The following CHN1 variants were observed in gnomAD, a reference collection of about 807,000 sequenced individuals.
The protein encoded by CHN1 is N-chimaerin.
Under a neutral mutation model 59.5 loss-of-function variants are expected in CHN1, and 37 were observed. The ratio of observed to expected loss-of-function variants is 0.62; its 90% CI spans 0.48 to 0.82. CHN1 has a LOEUF of 0.82. Among genes scored for constraint, CHN1 ranks in the 40% least tolerant of loss-of-function variants. The pLI is 0.00. For synonymous variants in CHN1, 206 were observed against 200.4 expected, an observed-to-expected ratio of 1.03 and a Z score of -0.24; for missense variants, 469 against 571.0, an observed-to-expected ratio of 0.82 and a Z score of 1.82.
At position 174,991,134 on chromosome 2, in the gene CHN1, C is replaced by T. The variant is rs141645612; in HGVS notation, c.19+13760G>A. ...TTAGTGACATCTATTCAGCAACCTT[C>T]AAAACACAAGCTAGTTTTTAAGTGG... On this transcript the variant is annotated intron_variant, in intron 1 of 12. Coordinates refer to ENST00000409900, the MANE Select transcript of CHN1 (RefSeq NM_001822.7). Among the ~76,000 whole-genome samples the T allele has an allele frequency of 5.9e-5, 9 of 152,286 alleles. No individual in the cohort carries two copies. The East Asian group carries it at 1.7e-3, about 29-fold the overall frequency.
chr2:174,888,428 A>T (rs1687952913), intron 5 of CHN1, among the ~76,000 whole-genome samples: 1 of 152,214 alleles, frequency 6.6e-6, no homozygotes, highest in African/African-American at 2.4e-5. Context: ...TAGCCTGGGG[A>T]TAACATGAAG....
At chr2:174,848,237 T>C (rs1047897641) in intron 6 of CHN1, among the ~76,000 whole-genome samples, 5 of 152,098 alleles carry the variant, frequency 3.3e-5, no homozygotes, top group African/African-American at 1.2e-4. Context: ...TTCAGAGAGC[T>C]TGAGGCCAGG....
intron 1 of CHN1, among the ~76,000 whole-genome samples, chr2:174,992,644 T>C (rs1036628122): frequency 6.6e-6 from 1 of 152,222 alleles, no homozygotes; most frequent in African/African-American, 2.4e-5. Context: ...TGTGACAAGA[T>C]GCTCTCCTTG....
intron 3 of CHN1, among the ~76,000 whole-genome samples, chr2:174,941,780 G>A (rs544832821): frequency 6.6e-6 from 1 of 152,042 alleles, no homozygotes; most frequent in East Asian, 1.9e-4. Flanking sequence ...CATGTTGCCA[G>A]GCAGGTCTTG....
intron 4 of CHN1, among the ~76,000 whole-genome samples, chr2:174,916,453 A>G (rs1034985613): frequency 6.6e-6 from 1 of 152,208 alleles, no homozygotes; most frequent in African/African-American, 2.4e-5. Flanking sequence ...CTCCCCTACA[A>G]TAACTGCAAT....
chr2:174,829,478 A>G (rs1685796878), intron 7 of CHN1, among the ~76,000 whole-genome samples: 1 of 152,280 alleles, frequency 6.6e-6, no homozygotes, highest in Non-Finnish European at 1.5e-5. Flanking sequence ...TCATGTTTAC[A>G]GCATTCATAT....
At chr2:174,877,786 T>C in intron 6 of CHN1, 54 bp downstream of exon 6, 1 of 1,525,626 alleles carries the variant, frequency 6.6e-7, no homozygotes, top group South Asian at 1.3e-5. Context: ...ATAATGGCTT[T>C]CTTAAAAGAA....
At chr2:174,832,587 T>C (rs1326124457) in intron 7 of CHN1, among the ~76,000 whole-genome samples, 2 of 152,118 alleles carry the variant, frequency 1.3e-5, no homozygotes, top group Non-Finnish European at 2.9e-5. Context: ...TAGCAGTATG[T>C]TATTTAATTT....
intron 5 of CHN1, among the ~76,000 whole-genome samples, chr2:174,889,031 G>A (rs1174584208): frequency 6.6e-6 from 1 of 152,168 alleles, no homozygotes; most frequent in Middle Eastern, 3.2e-3. Context: ...GGGAGAGTGG[G>A]ACAGCTTGCT....
At chr2:174,944,805 A>C (rs1435500129) in intron 3 of CHN1, 83 bp downstream of exon 3, 3 of 923,392 alleles carry the variant, frequency 3.2e-6, no homozygotes, top group African/African-American at 3.3e-5. Flanking sequence ...AATCTCACAA[A>C]CAACCAAGCC....
intron 2 of CHN1, among the ~76,000 whole-genome samples, chr2:174,945,417 C>A (rs1431009733): frequency 2.6e-5 from 4 of 152,112 alleles, no homozygotes; most frequent in African/African-American, 9.7e-5. Context: ...TTCCTCTTCC[C>A]CTAAAAACAA....
intron 6 of CHN1, among the ~76,000 whole-genome samples, chr2:174,860,759 G>A (rs781063842): frequency 2.2e-4 from 34 of 152,062 alleles, no homozygotes; most frequent in Non-Finnish European, 5.9e-5. Flanking sequence ...GAATTTGTCC[G>A]TGAAATCTAT....
At chr2:174,862,019 A>T (rs998503543) in intron 6 of CHN1, among the ~76,000 whole-genome samples, 1 of 152,228 alleles carries the variant, frequency 6.6e-6, no homozygotes, top group Non-Finnish European at 1.5e-5. Context: ...CTAAAGTCTG[A>T]TCACTTTTCC....
At chr2:174,908,269 A>T (rs972431540) in intron 5 of CHN1, among the ~76,000 whole-genome samples, 1 of 152,252 alleles carries the variant, frequency 6.6e-6, no homozygotes, top group Non-Finnish European at 1.5e-5. Context: ...CCTTTTAAAT[A>T]TCAGTTCTCC....
chr2:174,974,168 T>C (rs1690846351), intron 1 of CHN1, among the ~76,000 whole-genome samples: 1 of 152,174 alleles, frequency 6.6e-6, no homozygotes, highest in African/African-American at 2.4e-5. Flanking sequence ...AGGTGGATAA[T>C]CGGTTTGTTT....
intron 7 of CHN1, among the ~76,000 whole-genome samples, chr2:174,842,736 C>T (rs1177143687): frequency 6.6e-6 from 1 of 152,154 alleles, no homozygotes; most frequent in Non-Finnish European, 1.5e-5. Context: ...GCTAGGATTG[C>T]TGGGTTCAGT....
chr2:174,961,239 A>AAGGC (rs1342742502), intron 1 of CHN1, among the ~76,000 whole-genome samples: 5 of 144,632 alleles, frequency 3.5e-5, no homozygotes, highest in Non-Finnish European at 6.1e-5. Context: ...GGGAGGGAGG[A>AAGGC]AGGCAGGCAG....
chr2:175,004,766 G>A (rs1289981034), intron 1 of CHN1, 128 bp downstream of exon 1: 1 of 332,752 alleles, frequency 3.0e-6, no homozygotes, highest in Non-Finnish European at 4.3e-6. Flanking sequence ...CCCCAACTCT[G>A]CGGCCCCGGC....
intron 1 of CHN1, among the ~76,000 whole-genome samples, chr2:174,993,331 G>C (rs533405437): frequency 2.0e-3 from 248 of 121,758 alleles, no homozygotes; most frequent in African/African-American, 7.9e-3. Flanking sequence ...CAATAGTCTG[G>C]ACAACCTATC....
Sources: allele counts gnomAD v4.1 joint callset (sites outside exome capture counted in the v4.1 genomes callset), GRCh38; gene constraint gnomAD v4.1.1; transcripts MANE v1.5; gene names NCBI Gene and HGNC (gene_info 2026-07-23, HGNC 2026-07-21).